Variants in CSPG4 observed in about 807,000 individuals in gnomAD.
The protein encoded by CSPG4 is chondroitin sulfate proteoglycan 4 (melanoma-associated).
In CSPG4, 74 loss-of-function variants were observed where a neutral mutation model predicts 139.3. The ratio of observed to expected loss-of-function variants is 0.53; its 90% CI spans 0.44 to 0.64. CSPG4 has a LOEUF of 0.64. CSPG4 is among the 30% of genes least tolerant of loss of function. CSPG4 has a pLI of 0.00. For synonymous variants in CSPG4, 1,234 were observed against 1,394.2 expected (o/e 0.89, Z 2.56); for missense variants, 2,565 against 3,148.3 (o/e 0.81, Z 4.43).
chr15:75,696,500 GTGTT>G lies in CSPG4; in HGVS notation c.89-3271_89-3268del, dbSNP rs988696079. 1.3e-5 allele frequency among the ~76,000 whole-genome samples: 2 copies of G among 152,148 alleles called. No homozygotes were observed. Among genetic ancestry groups the G allele is most frequent in the African/African-American group, 4.8e-5 (2 of 41,426 alleles). ...GTGCTTTGGGTTTGCGTAAGGCTGT[GTGTT>G]TGTGTGTGTGTGCGCGTGTGTGGGC... On this transcript the variant is annotated intron_variant, in intron 1 of 9. Transcript: ENST00000308508. The surrounding 1 kb of genome is among the most constrained non-coding windows in gnomAD (Gnocchi z 4.2).
rs376084842 is a variant in CSPG4 at position 75,688,834 on chromosome 15, A to C, written c.2231T>G (p.Leu744Arg). 64 of 1,612,774 alleles carry C rather than the reference A, an allele frequency of 4.0e-5. No homozygotes were observed. The highest frequency in any genetic ancestry group is 5.3e-5 in the Non-Finnish European group (62 of 1,179,984). ...AGCGTGGTGCTGTGGGTCAGTGCTC[A>C]GGTACCTCACGCGGCCCTGCTCCAC... ...RDVEQGRVRY[L>R]STDPQHHAYD... is the part of the protein sequence containing the mutation. The change falls in exon 3 of 10, where the codon CTG becomes CGG. Residue 744 changes from leucine (L) to arginine (R), a missense_variant. By Grantham distance (102) the Leu-to-Arg change is moderately radical. This residue lies in a region of CSPG4 where 2,316 missense variants were observed against 2,818.2 expected (regional missense o/e 0.82). Coordinates refer to ENST00000308508, the MANE Select transcript of CSPG4 (RefSeq NM_001897.5).
rs1217278339 is a variant in CSPG4 at position 75,687,152 on chromosome 15, C to T, written c.3789+124G>A. ...CATATACGGGAGCACATCTGAGGCA[C>T]GTGCACACATGTAACCTGGAGCCAC... On this transcript the variant is annotated intron_variant, in intron 3 of 9. Coordinates refer to ENST00000308508, the MANE Select transcript of CSPG4 (RefSeq NM_001897.5). The surrounding 1 kb of genome is among the most constrained non-coding windows in gnomAD (Gnocchi z 5.4). 1.7e-5 allele frequency: 19 copies of T among 1,130,236 alleles called. No individual in the cohort carries two copies. The highest frequency in any genetic ancestry group is 1.2e-4 in the African/African-American group (8 of 65,794). The allele number at this position is 1,130,236 out of a possible 1,614,324, so 70.0% of individuals were successfully genotyped here.
rs762287772 is a variant in CSPG4, at chr15:75,676,578, G to C, written c.5941C>G (p.Leu1981Val). 1 of 1,613,330 alleles carries C rather than the reference G, an allele frequency of 6.2e-7. No individual in the cohort carries two copies. The highest frequency in any genetic ancestry group is 8.5e-7 in the Non-Finnish European group (1 of 1,179,924). ...TGCCCATACTGGGGTCCCTGGATGA[G>C]GCGGTATGCTGCCTCTGGCTCCTCC... is the stretch of plus-strand genomic sequence containing the variant. ...DREEPEAAYR[L>V]IQGPQYGHLL... The change falls in exon 10 of 10, where the codon CTC becomes GTC. Residue 1981 changes from leucine (L) to valine (V), a missense_variant. By Grantham distance (32) the Leu-to-Val change is conservative. This residue lies in a region of CSPG4 where 2,316 missense variants were observed against 2,818.2 expected (regional missense o/e 0.82). Coordinates refer to ENST00000308508, the MANE Select transcript of CSPG4 (RefSeq NM_001897.5).
In CSPG4 at chr15:75,687,498, C is replaced by G. The variant is rs1894078005; in HGVS notation, c.3567G>C (p.Gln1189His). Residue 1189 changes from glutamine to histidine, a missense_variant, in exon 3 of 10, where the codon CAG (glutamine) becomes CAC (histidine). Coordinates refer to ENST00000308508, the MANE Select transcript of CSPG4 (RefSeq NM_001897.5). The surrounding 1 kb of genome is among the most constrained non-coding windows in gnomAD (Gnocchi z 5.4). The stretch of plus-strand genomic sequence containing the variant: ...GAACGGCCCCATCCAGCAGGTCCTG[C>G]TGGGAGAAGGCTGTGGCTGGCTGAC... Reference protein sequence around the residue: ...RAGQPATAFSQQDLLDGAVLY... With the variant: ...RAGQPATAFSHQDLLDGAVLY... 2 of 1,612,316 alleles carry G rather than the reference C, an allele frequency of 1.2e-6. No homozygotes were observed. Among genetic ancestry groups the G allele is most frequent in the Admixed American group, 3.3e-5 (2 of 59,984 alleles).
intron 1 of CSPG4, among the ~76,000 whole-genome samples, chr15:75,702,208 GC>G (rs1448560882): frequency 6.6e-6 from 1 of 152,164 alleles, no homozygotes; most frequent in East Asian, 1.9e-4. Context: ...AGGGTCTCTT[GC>G]TCTCTTCCAA....
chr15:75,676,648 C>T lies in CSPG4; in HGVS notation c.5871G>A (p.Gly1957=), dbSNP rs773833258. The change falls in exon 10 of 10, where the codon GGG becomes GGA. Residue 1957 remains glycine (G), a synonymous_variant. Coordinates refer to ENST00000308508, the MANE Select transcript of CSPG4 (RefSeq NM_001897.5). ...GCTGCTGCTGGCTCAGTGAGGAGCGCCCCAAAGCTTGGGGCACCTCCAGGG... is the reference window on the plus strand; with the variant it reads ...GCTGCTGCTGGCTCAGTGAGGAGCGTCCCAAAGCTTGGGGCACCTCCAGGG... The part of the protein sequence containing the change: ...RAPLEVPQAL[G]RSSLSQQQLR... The T allele has an allele frequency of 3.7e-6, 6 of 1,600,242 alleles. No individual in the cohort carries two copies. Among genetic ancestry groups the T allele is most frequent in the Non-Finnish European group, 5.1e-6 (6 of 1,172,484 alleles).
At chr15:75,678,009 G>T in intron 8 of CSPG4, 123 bp from the exon 9 acceptor site, 1 of 832,662 alleles carries the variant, frequency 1.2e-6, no homozygotes, top group Non-Finnish European at 1.8e-6. Flanking sequence ...CTGTGCGTGT[G>T]ACCCGCTGTC....
chr15:75,696,287 G>A lies in CSPG4; in HGVS notation c.89-3054C>T, dbSNP rs1365237151. ...GGAAGGTTAATGGCATGGGGTGCCT[G>A]GAGGTGCCAAGCCTTGGGCATGAGA... On this transcript the variant is annotated intron_variant, in intron 1 of 9. Coordinates refer to ENST00000308508, the MANE Select transcript of CSPG4 (RefSeq NM_001897.5). The surrounding 1 kb of genome is among the most constrained non-coding windows in gnomAD (Gnocchi z 4.2). Among the ~76,000 whole-genome samples, 1 of 152,166 alleles carries A rather than the reference G, an allele frequency of 6.6e-6. No individual in the cohort carries two copies. Among genetic ancestry groups the A allele is most frequent in the African/African-American group, 2.4e-5 (1 of 41,446 alleles).
At position 75,685,648 on chromosome 15, in the gene CSPG4, T is replaced by C. The variant is rs754858337; in HGVS notation, c.3843A>G (p.Pro1281=). ...CCATCACCAGGTAGCCGGCACTCGG[T>C]GGGCTCTTCACTGAGAATACGATGT... ...PADIVFSVKS[P]PSAGYLVMVS... is the part of the protein sequence containing the mutation. Residue 1281 remains proline (P), a synonymous_variant, in exon 4 of 10, where the codon CCA becomes CCG. Coordinates refer to ENST00000308508, the MANE Select transcript of CSPG4 (RefSeq NM_001897.5). 9.3e-6 allele frequency: 15 copies of C among 1,608,024 alleles called. No homozygotes were observed. The highest frequency in any genetic ancestry group is 2.2e-5 in the East Asian group (1 of 44,886).
intron 2 of CSPG4, among the ~76,000 whole-genome samples, chr15:75,691,579 C>T (rs1894165840): frequency 6.6e-6 from 1 of 152,118 alleles, no homozygotes; most frequent in Non-Finnish European, 1.5e-5. Flanking sequence ...TTGAAGGCAG[C>T]CAGGCTCACT....
intron 1 of CSPG4, among the ~76,000 whole-genome samples, chr15:75,710,811 T>C (rs1229575447): frequency 6.6e-6 from 1 of 152,016 alleles, no homozygotes; most frequent in Non-Finnish European, 1.5e-5. Context: ...AGAGATGGGT[T>C]GCTGGACGGG....
At chr15:75,704,814 T>A (rs1894348409) in intron 1 of CSPG4, among the ~76,000 whole-genome samples, 1 of 152,144 alleles carries the variant, frequency 6.6e-6, no homozygotes, top group African/African-American at 2.4e-5. Flanking sequence ...TCAGTCCGGA[T>A]TTCTGCTCCT....
At position 75,682,909 on chromosome 15, in the gene CSPG4, C is replaced by T; in HGVS notation, c.4582G>A (p.Gly1528Ser). 6.2e-7 allele frequency: 1 copy of T among 1,610,760 alleles called. No individual in the cohort carries two copies. The change falls in exon 6 of 10, where the codon GGC (glycine) becomes AGC (serine). Residue 1528 changes from glycine to serine, a missense_variant. Coordinates refer to ENST00000308508, the MANE Select transcript of CSPG4 (RefSeq NM_001897.5). ...NGRVVLRGAP[G>S]TEVRSFTQAQ... is the part of the protein sequence containing the mutation. ...TGCGTGAAGCTGCGCACCTCAGTGC[C>T]CGGCGCCCCCCGCAGCACTACCCGC...
At chr15:75,709,298 T>C (rs1475568970) in intron 1 of CSPG4, among the ~76,000 whole-genome samples, 1 of 152,106 alleles carries the variant, frequency 6.6e-6, no homozygotes, top group Non-Finnish European at 1.5e-5. Context: ...TGAACTGACA[T>C]ATGCTGGGGC....
intron 5 of CSPG4, among the ~76,000 whole-genome samples, chr15:75,684,241 A>G (rs1894020957): frequency 6.6e-6 from 1 of 152,204 alleles, no homozygotes; most frequent in Non-Finnish European, 1.5e-5. Flanking sequence ...CTGGGCCTCA[A>G]CTTCCACCTG....
In CSPG4 at chr15:75,689,087, G is replaced by A. The variant is rs151275239; in HGVS notation, c.1978C>T (p.Arg660Trp). The change falls in exon 3 of 10, where the codon CGG becomes TGG. Residue 660 changes from arginine (R) to tryptophan (W), a missense_variant. Physicochemically the swap from Arg to Trp is moderately radical, Grantham distance 101 (BLOSUM62 -3). Around this residue, in one of 5 missense-constraint regions of CSPG4, gnomAD observed 2,316 missense variants for 2,818.2 expected, o/e 0.82. Coordinates refer to ENST00000308508, the MANE Select transcript of CSPG4 (RefSeq NM_001897.5). ...CTGCGGTGGATCTGTATGGCCGGCC[G>A]GATGGCCACCACCTTCAGCGTGGCC... ...PPATLKVVAI[R>W]PAIQIHRSTG... The A allele has an allele frequency of 6.8e-5, 109 of 1,606,430 alleles. No homozygotes were observed. In the African/African-American group the frequency reaches 1.2e-3, roughly 18 times the overall value.
At chr15:75,713,112 G>A (rs1049387165), upstream of CSPG4, among the ~76,000 whole-genome samples, 1 of 152,226 alleles carries the variant, frequency 6.6e-6, no homozygotes, top group African/African-American at 2.4e-5. Flanking sequence ...AGCCGAGCCC[G>A]GGAGACCCCC....
At chr15:75,702,247 ACT>A (rs1196225645) in intron 1 of CSPG4, among the ~76,000 whole-genome samples, 1 of 151,684 alleles carries the variant, frequency 6.6e-6, no homozygotes, top group African/African-American at 2.4e-5. Flanking sequence ...GTCTCACTAG[ACT>A]CTGCACTGAC....
At chr15:75,705,898 T>C (rs960464531) in intron 1 of CSPG4, among the ~76,000 whole-genome samples, 1 of 152,182 alleles carries the variant, frequency 6.6e-6, no homozygotes, top group African/African-American at 2.4e-5. Flanking sequence ...TGTGTGTATA[T>C]GTCTGTGTGC....
Sources: allele counts gnomAD v4.1 joint callset (sites outside exome capture counted in the v4.1 genomes callset), GRCh38; gene constraint gnomAD v4.1.1; regional missense constraint gnomAD v4.1.1; non-coding constraint Gnocchi (gnomAD v3.1); transcripts MANE v1.5; gene names NCBI Gene and HGNC (gene_info 2026-07-23, HGNC 2026-07-21).